COX18: variants seen among roughly 807,000 people sequenced by gnomAD.
COX18 encodes the protein cytochrome c oxidase assembly factor COX18.
COX18 carries 45 observed loss-of-function variants against 38.0 expected under a neutral mutation model. That is an observed-to-expected ratio of 1.18 (90% CI 0.93 to 1.52). The LOEUF is 1.52. Among genes scored for constraint, COX18 ranks in the 40% most tolerant of loss-of-function variants. The pLI is 0.00. For missense variants in COX18, 462 were observed against 423.8 expected (o/e 1.09, Z -0.79); for synonymous variants, 177 against 169.8 (o/e 1.04, Z -0.33).
rs1242167769 is a variant in COX18, at chr4:73,053,656, G to GTT, written c.*4457_*4458insAA. 2.6e-5 allele frequency: 4 copies of GTT among 152,210 alleles called. No individual in the cohort carries two copies. Among genetic ancestry groups the GTT allele is most frequent in the African/African-American group, 9.7e-5 (4 of 41,450 alleles). 9.4% of individuals were successfully genotyped at this position (152,210 alleles called of 1,614,324 possible). ...TGAAGATATGGTCTTTAGCTCTTAA[G>GTT]TGCTGTTAAAGGTACCTGAAAAGTC... On this transcript the variant is annotated 3_prime_UTR_variant, in exon 6 of 6. Transcript: ENST00000507544.
Position 73,061,937 on chromosome 4 carries a change from T to C in COX18, c.724-17A>G, listed in dbSNP as rs1213350854. On this transcript the variant is annotated splice_polypyrimidine_tract_variant and intron_variant, in intron 4 of 5. Coordinates refer to ENST00000507544, the MANE Select transcript of COX18 (RefSeq NM_001297732.2). Reference sequence around the variant, plus strand: ...AGCACAAATCTGAAGGGGTAGAACATATACATGCATAATGATTATTAAAAC... The same window carrying C: ...AGCACAAATCTGAAGGGGTAGAACACATACATGCATAATGATTATTAAAAC... 1.6e-6 allele frequency: 2 copies of C among 1,251,402 alleles called. No homozygotes were observed. Among genetic ancestry groups the C allele is most frequent in the Admixed American group, 1.8e-5 (1 of 55,994 alleles). The allele number at this position is 1,251,402 out of a possible 1,614,324, so 77.5% of individuals were successfully genotyped here. A position where few individuals can be genotyped will look rare whatever the true frequency, so the allele number is the denominator to read the frequency against.
rs755269439 is a variant in COX18 at position 73,058,292 on chromosome 4, A to G, written c.832-5T>C. 4 of 1,590,836 alleles carry G rather than the reference A, an allele frequency of 2.5e-6. No individual in the cohort carries two copies. Among genetic ancestry groups the G allele is most frequent in the Non-Finnish European group, 3.4e-6 (4 of 1,167,072 alleles). On this transcript the variant is annotated splice_polypyrimidine_tract_variant and splice_region_variant and intron_variant, in intron 5 of 5. Coordinates refer to ENST00000507544, the MANE Select transcript of COX18 (RefSeq NM_001297732.2). ...TAACCAGTAGAGAACAATTGACTAT[A>G]AAGAGAAGACATAAATGTTAGCATC...
chr4:73,069,713 C>CT lies in COX18; in HGVS notation c.-65_-64insA, dbSNP rs1359518106. ...ATCCAGCGGACATACACCGGCCAGC[C>CT]AAGGCTGATACGCGCACGCGCCAGC... is the stretch of plus-strand genomic sequence containing the variant. On this transcript the variant is annotated 5_prime_UTR_variant, in exon 1 of 6. Transcript: ENST00000507544. 1 of 1,470,114 alleles carries CT rather than the reference C, an allele frequency of 6.8e-7. No homozygotes were observed. Among genetic ancestry groups the CT allele is most frequent in the African/African-American group, 1.4e-5 (1 of 71,848 alleles). 91.1% of individuals were successfully genotyped at this position (1,470,114 alleles called of 1,614,324 possible).
Position 73,052,557 on chromosome 4 carries a change from AG to A in COX18, c.*5556del, listed in dbSNP as rs1288653690. On this transcript the variant is annotated 3_prime_UTR_variant, in exon 6 of 6. Coordinates refer to ENST00000507544, the MANE Select transcript of COX18 (RefSeq NM_001297732.2). ...AATACCATCACAGTGTATGAAAAAA[AG>A]AAAACAGATAACTAGAAAATATCCA... The A allele has an allele frequency of 6.6e-6, 1 of 152,232 alleles. No homozygotes were observed. The highest frequency in any genetic ancestry group is 2.4e-5 in the African/African-American group (1 of 41,468). 9.4% of individuals were successfully genotyped at this position (152,232 alleles called of 1,614,324 possible).
At position 73,064,674 on chromosome 4, in the gene COX18, T is replaced by C. The variant is rs1720338644; in HGVS notation, c.723+104A>G. The C allele has an allele frequency of 2.2e-6, 3 of 1,344,748 alleles. No individual in the cohort carries two copies. The East Asian group carries it at 7.9e-5, about 35-fold the overall frequency. The allele number at this position is 1,344,748 out of a possible 1,614,324, so 83.3% of individuals were successfully genotyped here. ...GGAACCAAGGGATCTCACTTCTAAC[T>C]CAGAGCTATCTTCACCAACTCAAAC... is the stretch of plus-strand genomic sequence containing the variant. On this transcript the variant is annotated intron_variant, in intron 4 of 5. Coordinates refer to ENST00000507544, the MANE Select transcript of COX18 (RefSeq NM_001297732.2).
intron 2 of COX18, among the ~76,000 whole-genome samples, chr4:73,067,703 G>A (rs1720516436): frequency 6.7e-6 from 1 of 150,374 alleles, no homozygotes; most frequent in South Asian, 2.1e-4. Context: ...AGCCAGGCAT[G>A]GTGGTGCCTA....
chr4:73,065,231 G>A lies in COX18; in HGVS notation c.598+19C>T. 2 of 1,531,728 alleles carry A rather than the reference G, an allele frequency of 1.3e-6. No individual in the cohort carries two copies. The highest frequency in any genetic ancestry group is 1.8e-6 in the Non-Finnish European group (2 of 1,116,940). The allele number at this position is 1,531,728 out of a possible 1,614,324, so 94.9% of individuals were successfully genotyped here. On this transcript the variant is annotated intron_variant, in intron 3 of 5. Transcript: ENST00000507544. ...ACAATGTTAGAGAACTTCTTTGGGA[G>A]AAGACATACAATAATTACCTTCTGA...
Position 73,058,039 on chromosome 4 carries a change from A to G in COX18, c.*75T>C, listed in dbSNP as rs1002404812. 6.0e-6 allele frequency: 6 copies of G among 1,000,370 alleles called. No homozygotes were observed. The highest frequency in any genetic ancestry group is 9.0e-6 in the Non-Finnish European group (6 of 667,370). The allele number at this position is 1,000,370 out of a possible 1,614,324, so 62.0% of individuals were successfully genotyped here. On this transcript the variant is annotated 3_prime_UTR_variant, in exon 6 of 6. Transcript: ENST00000507544. ...TTTAAATAAAAGGAAATCAAGTAAC[A>G]TCTGAATTTCTAAGTCTAAATACAT...
intron 2 of COX18, among the ~76,000 whole-genome samples, chr4:73,067,462 C>T (rs943206934): frequency 1.3e-5 from 2 of 152,156 alleles, no homozygotes; most frequent in Non-Finnish European, 2.9e-5. Flanking sequence ...AGAATAGGAA[C>T]ATACTCTTCT....
In COX18 at chr4:73,061,886, A is replaced by G; in HGVS notation, c.758T>C (p.Phe253Ser). 1 of 1,613,336 alleles carries G rather than the reference A, an allele frequency of 6.2e-7. No homozygotes were observed. The highest frequency in any genetic ancestry group is 2.2e-5 in the East Asian group (1 of 44,876). Residue 253 changes from phenylalanine to serine, a missense_variant, in exon 5 of 6, where the codon TTT (phenylalanine) becomes TCT (serine). Phe to Ser is a radical substitution (Grantham distance 155, BLOSUM62 -2). Coordinates refer to ENST00000507544, the MANE Select transcript of COX18 (RefSeq NM_001297732.2). ...CALQKIGMSRFQTYITYFVRA... is the reference protein window; with the variant it reads ...CALQKIGMSRSQTYITYFVRA... ...GACAAAGTACGTAATATACGTCTGAAAACGAGACATTCCAATTTTTTGTAG... is the reference window on the plus strand; with the variant it reads ...GACAAAGTACGTAATATACGTCTGAGAACGAGACATTCCAATTTTTTGTAG...
At chr4:73,063,236 G>A (rs1720265763) in intron 4 of COX18, among the ~76,000 whole-genome samples, 1 of 152,054 alleles carries the variant, frequency 6.6e-6, no homozygotes, top group Non-Finnish European at 1.5e-5. Flanking sequence ...AACCTGGGAG[G>A]TGGAGGTTGC....
intron 1 of COX18, among the ~76,000 whole-genome samples, 170 bp downstream of exon 1, chr4:73,069,147 A>T (rs1720620305): frequency 2.0e-5 from 3 of 152,238 alleles, no homozygotes; most frequent in Non-Finnish European, 4.4e-5. Flanking sequence ...ACCTAATGCT[A>T]GTTCAATTTT....
rs1417723298 is a variant in COX18, at chr4:73,064,780, C to A, written c.721G>T (p.Glu241Ter). 7.4e-6 allele frequency: 12 copies of A among 1,613,132 alleles called. No homozygotes were observed. Among genetic ancestry groups the A allele is most frequent in the Non-Finnish European group, 9.3e-6 (11 of 1,179,450 alleles). ...AAATTTCATTTAAAACTACTGACCT[C>A]CACTATTAACAAATTGATGACGCCA... ...SVGVINLLIV[E>*]ICALQKIGMS... Residue 241 changes from glutamate to a stop codon, truncating the protein, a stop_gained and splice_region_variant, in exon 4 of 6, where the codon GAG becomes TAG. Coordinates refer to ENST00000507544, the MANE Select transcript of COX18 (RefSeq NM_001297732.2). LOFTEE classifies it high-confidence loss of function.
chr4:73,063,132 C>A (rs1045187159), intron 4 of COX18, among the ~76,000 whole-genome samples: 1 of 152,054 alleles, frequency 6.6e-6, no homozygotes, highest in African/African-American at 2.4e-5. Flanking sequence ...TGGTAAAACC[C>A]AGTCTCTACT....
chr4:73,055,561 T>C lies in COX18; in HGVS notation c.*2553A>G, dbSNP rs1274006810. On this transcript the variant is annotated 3_prime_UTR_variant, in exon 6 of 6. Transcript: ENST00000507544. ...CATCAGAAAGCACTCCAGCAGGGCATTTGGAGGCCATTTTAAACAGTAAAA... is the reference window on the plus strand; with the variant it reads ...CATCAGAAAGCACTCCAGCAGGGCACTTGGAGGCCATTTTAAACAGTAAAA... 3 of 152,214 alleles carry C rather than the reference T, an allele frequency of 2.0e-5. No homozygotes were observed. The highest frequency in any genetic ancestry group is 4.4e-5 in the Non-Finnish European group (3 of 68,050). The allele number at this position is 152,214 out of a possible 1,614,324, so 9.4% of individuals were successfully genotyped here. A position where few individuals can be genotyped will look rare whatever the true frequency, so the allele number is the denominator to read the frequency against.
At chr4:73,063,461 A>T (rs773849078) in intron 4 of COX18, among the ~76,000 whole-genome samples, 1 of 152,160 alleles carries the variant, frequency 6.6e-6, no homozygotes, top group African/African-American at 2.4e-5. Flanking sequence ...TGGGATCACA[A>T]CTCACTGCAG....
chr4:73,067,884 T>TATAA (rs1289365401), intron 2 of COX18, 145 bp downstream of exon 2: 1 of 109,670 alleles, frequency 9.1e-6, no homozygotes, highest in African/African-American at 4.5e-5. Context: ...TATATATATA[T>TATAA]AAAAAAAGAA....
chr4:73,063,166 T>C (rs1417401003), intron 4 of COX18, among the ~76,000 whole-genome samples: 1 of 151,738 alleles, frequency 6.6e-6, no homozygotes. Context: ...ATTAGCTGGG[T>C]GTGTTGGCGG....
At chr4:73,066,911 T>C (rs1357014118) in intron 2 of COX18, among the ~76,000 whole-genome samples, 1 of 152,196 alleles carries the variant, frequency 6.6e-6, no homozygotes, top group African/African-American at 2.4e-5. Flanking sequence ...AAATATATGG[T>C]TAATAATATA....
Sources: allele counts gnomAD v4.1 joint callset (sites outside exome capture counted in the v4.1 genomes callset), GRCh38; gene constraint gnomAD v4.1.1; transcripts MANE v1.5; gene names NCBI Gene and HGNC (gene_info 2026-07-23, HGNC 2026-07-21).